The following KLHL29 variants were observed in gnomAD, a reference collection of about 807,000 sequenced individuals.
The protein encoded by KLHL29 is kelch-like protein 29.
KLHL29 carries 21 observed loss-of-function variants against 80.4 expected under a neutral mutation model. The observed-to-expected ratio is 0.26, with a 90% CI of 0.19 to 0.38. The LOEUF is 0.38. Among genes scored for constraint, KLHL29 ranks in the 10% least tolerant of loss-of-function variants. The pLI, the probability that KLHL29 is intolerant of heterozygous loss-of-function variation, is 1.00. For missense variants in KLHL29, 867 were observed against 1,223.9 expected, an observed-to-expected ratio of 0.71 and a Z score of 4.35; for synonymous variants, 511 against 526.8, an observed-to-expected ratio of 0.97 and a Z score of 0.41.
chr2:23,663,130 C>T (rs1418965887), intron 5 of KLHL29, among the ~76,000 whole-genome samples: 1 of 152,164 alleles, frequency 6.6e-6, no homozygotes, highest in Non-Finnish European at 1.5e-5. Flanking sequence ...CCCTGCTCCT[C>T]GCTGCTCCTC....
chr2:23,406,660 A>G (rs1666746041), intron 1 of KLHL29, among the ~76,000 whole-genome samples: 1 of 152,096 alleles, frequency 6.6e-6, no homozygotes, highest in Non-Finnish European at 1.5e-5. Context: ...GGTATCACAC[A>G]CATCTGCCAA....
rs147639132 is a variant in KLHL29 at position 23,624,588 on chromosome 2, A to G, written c.286-14551A>G. Among the ~76,000 whole-genome samples, 1,417 of 152,328 alleles carry G rather than the reference A, an allele frequency of 9.3e-3. 16 individuals carry two copies. Among genetic ancestry groups the G allele is most frequent in the Middle Eastern group, 0.02 (6 of 294 alleles). ...GTCGTGATGCTTTGGTCTCACAGCC[A>G]ATAGCTACACTTCCCATAGATGTGG... On this transcript the variant is annotated intron_variant, in intron 3 of 13. Coordinates refer to ENST00000486442, the MANE Select transcript of KLHL29 (RefSeq NM_052920.2).
intron 3 of KLHL29, among the ~76,000 whole-genome samples, chr2:23,592,142 G>GCCCATCCTCATCAGTGGTTGGTGGC (rs1217377019): frequency 3.3e-5 from 5 of 152,224 alleles, no homozygotes; most frequent in Non-Finnish European, 7.3e-5. Context: ...CTCTGGAGGG[G>GCCCATCCTCATCAGTGGTTGGTGGC]CCCATCCTCA....
intron 6 of KLHL29, among the ~76,000 whole-genome samples, chr2:23,685,107 G>C (rs139284588): frequency 0.011 from 1,628 of 152,372 alleles, 16 homozygotes; most frequent in Middle Eastern, 0.031. Context: ...TCCTTGTGCA[G>C]TGAGCCTAAA....
At chr2:23,391,719 A>T (rs1243528387) in intron 1 of KLHL29, among the ~76,000 whole-genome samples, 3 of 152,222 alleles carry the variant, frequency 2.0e-5, no homozygotes, top group African/African-American at 7.2e-5. Flanking sequence ...GATTATAGGC[A>T]TTAGCCACCG....
chr2:23,524,389 G>GATCTACACCT, intron 2 of KLHL29: 1 of 163,420 alleles, frequency 6.1e-6, no homozygotes, highest in South Asian at 1.7e-4. Flanking sequence ...TCCTGCCCCG[G>GATCTACACCT]GCTCCCGGGA....
chr2:23,491,801 C>T (rs1572354197), intron 2 of KLHL29, among the ~76,000 whole-genome samples: 2 of 152,174 alleles, frequency 1.3e-5, no homozygotes, highest in South Asian at 4.1e-4. Flanking sequence ...ACTCCATGTT[C>T]CCTCAAGCTA....
At chr2:23,402,543 T>C in intron 1 of KLHL29, among the ~76,000 whole-genome samples, 1 of 151,362 alleles carries the variant, frequency 6.6e-6, no homozygotes, top group Middle Eastern at 3.4e-3. Context: ...CGTGGGTTTG[T>C]ATCTCCCTGG....
intron 2 of KLHL29, among the ~76,000 whole-genome samples, chr2:23,498,621 T>C (rs1305549300): frequency 6.6e-6 from 1 of 152,240 alleles, no homozygotes; most frequent in African/African-American, 2.4e-5. Flanking sequence ...TTAGGACATT[T>C]AGGAAGGTCG....
At chr2:23,467,268 C>T (rs551844268) in intron 1 of KLHL29, among the ~76,000 whole-genome samples, 38 of 152,296 alleles carry the variant, frequency 2.5e-4, no homozygotes, top group African/African-American at 8.2e-4. Context: ...AGCCACAGTG[C>T]GATCAAGCCA....
intron 2 of KLHL29, among the ~76,000 whole-genome samples, chr2:23,521,000 C>T (rs1016063788): frequency 4.6e-5 from 7 of 151,708 alleles, no homozygotes; most frequent in South Asian, 2.1e-4. Flanking sequence ...CCACCCCCCC[C>T]CCCGCTCCCC....
chr2:23,637,752 G>A (rs1190121462), intron 3 of KLHL29, among the ~76,000 whole-genome samples: 1 of 152,138 alleles, frequency 6.6e-6, no homozygotes, highest in Non-Finnish European at 1.5e-5. Context: ...ACTCTGGTCA[G>A]AGGGGCTCAG....
At chr2:23,456,640 C>G (rs1401683809) in intron 1 of KLHL29, among the ~76,000 whole-genome samples, 3 of 152,266 alleles carry the variant, frequency 2.0e-5, no homozygotes, top group South Asian at 2.1e-4. Flanking sequence ...GGTGTAAATG[C>G]TCGCATTGCG....
At chr2:23,455,008 G>GA (rs1553325760) in intron 1 of KLHL29, among the ~76,000 whole-genome samples, 210 of 148,876 alleles carry the variant, frequency 1.4e-3, no homozygotes, top group South Asian at 0.013. Context: ...GGTTGGGGGG[G>GA]GGGCATTTAT....
At chr2:23,638,085 T>TAAAAAAAAAAA (rs553356362) in intron 3 of KLHL29, among the ~76,000 whole-genome samples, 9 of 111,562 alleles carry the variant, frequency 8.1e-5, no homozygotes, top group Non-Finnish European at 1.3e-4. Flanking sequence ...ATGGCCATAG[T>TAAAAAAAAAAA]AAAAAAAAAA....
intron 3 of KLHL29, among the ~76,000 whole-genome samples, chr2:23,609,582 G>A (rs1217045609): frequency 2.6e-5 from 4 of 151,852 alleles, no homozygotes; most frequent in African/African-American, 7.3e-5. Context: ...GTGTGGAGCC[G>A]GGTGCAGAAT....
rs985528683 is a variant in KLHL29 at position 23,596,981 on chromosome 2, C to T, written c.285+34500C>T. 1.3e-5 allele frequency among the ~76,000 whole-genome samples: 2 copies of T among 152,114 alleles called. No homozygotes were observed. The highest frequency in any genetic ancestry group is 2.9e-5 in the Non-Finnish European group (2 of 68,018). ...AATAGAGCTAATGGTGAAGTCTCTTCCCACTGAAAAGAGAAGCAAAATACT... is the reference window on the plus strand; with the variant it reads ...AATAGAGCTAATGGTGAAGTCTCTTTCCACTGAAAAGAGAAGCAAAATACT... On this transcript the variant is annotated intron_variant, in intron 3 of 13. Transcript: ENST00000486442. The surrounding 1 kb of genome is among the most constrained non-coding windows in gnomAD (Gnocchi z 4.4).
chr2:23,689,531 C>CCTT (rs2149200572), intron 6 of KLHL29: 1 of 152,352 alleles, frequency 6.6e-6, no homozygotes, highest in Admixed American at 6.5e-5. Flanking sequence ...TGCATGTGCT[C>CCTT]GCACATCCTG....
Position 23,562,437 on chromosome 2 carries a change from A to G in KLHL29, c.241A>G (p.Ile81Val). Residue 81 changes from isoleucine (I) to valine (V), a missense_variant, in exon 3 of 14, where the codon ATC becomes GTC. Ile to Val is a conservative substitution (Grantham distance 29, BLOSUM62 3). Around this residue, in one of 2 missense-constraint regions of KLHL29, gnomAD observed 424 missense variants for 456.9 expected, o/e 0.93. Transcript: ENST00000486442. The surrounding 1 kb of genome is among the most constrained non-coding windows in gnomAD (Gnocchi z 4.5). ...APCTTGSSEA[I>V]TSLVASSASA... ...CTGCACCACCGGCAGCAGCGAGGCC[A>G]TCACCAGCCTCGTGGCCAGCTCTGC... The G allele has an allele frequency of 6.5e-7, 1 of 1,537,172 alleles. No individual in the cohort carries two copies. The highest frequency in any genetic ancestry group is 1.2e-5 in the South Asian group (1 of 84,042).
Sources: gnomAD v4.1 joint callset for allele counts (sites outside exome capture counted in the v4.1 genomes callset) on GRCh38, gnomAD v4.1.1 for gene constraint, gnomAD v4.1.1 regional missense constraint, Gnocchi (gnomAD v3.1) non-coding constraint, MANE v1.5 for transcripts, NCBI Gene and HGNC (gene_info 2026-07-23, HGNC 2026-07-21) for gene names.